Variants in CCBE1 observed in about 807,000 individuals in gnomAD.
CCBE1 encodes collagen and calcium binding EGF domains 1, also known as collagen and calcium-binding EGF domain-containing protein 1.
CCBE1 carries 37 observed loss-of-function variants against 50.0 expected under a neutral mutation model. The ratio of observed to expected loss-of-function variants is 0.74; its 90% CI spans 0.57 to 0.97. CCBE1 has a LOEUF of 0.97. CCBE1 is among the 50% of genes least tolerant of loss of function. The pLI is 0.00. For missense variants in CCBE1, 538 were observed against 523.8 expected, an observed-to-expected ratio of 1.03 and a Z score of -0.26; for synonymous variants, 234 against 203.7, an observed-to-expected ratio of 1.15 and a Z score of -1.27.
intron 2 of CCBE1, among the ~76,000 whole-genome samples, chr18:59,689,008 T>C (rs1370860560): frequency 6.6e-6 from 1 of 152,198 alleles, no homozygotes; most frequent in Non-Finnish European, 1.5e-5. Flanking sequence ...AGGCAGTAAA[T>C]ATCTGGGACT....
At chr18:59,559,243 T>C (rs890694470) in intron 2 of CCBE1, among the ~76,000 whole-genome samples, 2 of 152,018 alleles carry the variant, frequency 1.3e-5, no homozygotes, top group African/African-American at 4.8e-5. Context: ...ACTGGCTGAG[T>C]TGGATGGGTG....
At chr18:59,512,740 T>C (rs1483569337) in intron 2 of CCBE1, among the ~76,000 whole-genome samples, 7 of 152,154 alleles carry the variant, frequency 4.6e-5, no homozygotes, top group Non-Finnish European at 1.0e-4. Flanking sequence ...TGGCTGGCTG[T>C]TGATGAGGAA....
intron 2 of CCBE1, among the ~76,000 whole-genome samples, chr18:59,658,197 T>C (rs1460398420): frequency 6.7e-6 from 1 of 149,306 alleles, no homozygotes; most frequent in Admixed American, 6.7e-5. Context: ...CAATGGTACC[T>C]GGCACATAAG....
chr18:59,436,064 C>G lies in CCBE1; in HGVS notation c.1065G>C (p.Lys355Asn). Residue 355 changes from lysine (K) to asparagine (N), a missense_variant, in exon 11 of 11, where the codon AAG (lysine) becomes AAC (asparagine). By Grantham distance (94) the Lys-to-Asn change is moderately conservative (BLOSUM62 0). Transcript: ENST00000439986. ...IRNDITELQE[K>N]VFGHRTHSSA... ...AAGAGTGAGTCCGGTGCCCGAACAC[C>G]TTTTCCTGCAGCTCAGTGATGTCAT... The G allele has an allele frequency of 6.2e-7, 1 of 1,614,140 alleles. No homozygotes were observed. Among genetic ancestry groups the G allele is most frequent in the Non-Finnish European group, 8.5e-7 (1 of 1,180,030 alleles).
At chr18:59,457,317 G>C (rs1258636508) in intron 5 of CCBE1, among the ~76,000 whole-genome samples, 2 of 152,180 alleles carry the variant, frequency 1.3e-5, no homozygotes, top group Admixed American at 1.3e-4. Context: ...GCTTGTATCA[G>C]AGATGGTAGA....
At chr18:59,481,262 TA>T (rs1912556682) in intron 2 of CCBE1, among the ~76,000 whole-genome samples, 1 of 151,166 alleles carries the variant, frequency 6.6e-6, no homozygotes, top group Non-Finnish European at 1.5e-5. Flanking sequence ...AATTTGAAAA[TA>T]AATGAAAATT....
intron 7 of CCBE1, among the ~76,000 whole-genome samples, chr18:59,441,984 T>C (rs954276023): frequency 2.6e-5 from 4 of 152,206 alleles, no homozygotes; most frequent in African/African-American, 9.7e-5. Flanking sequence ...CATTCTTGTC[T>C]TTCTTGCCAA....
intron 7 of CCBE1, among the ~76,000 whole-genome samples, chr18:59,443,202 C>A (rs944182794): frequency 1.9e-4 from 29 of 152,198 alleles, no homozygotes; most frequent in Non-Finnish European, 4.0e-4. Context: ...GAGTTGTAAA[C>A]AGCCGCTTTG....
At chr18:59,558,937 G>A (rs941056369) in intron 2 of CCBE1, among the ~76,000 whole-genome samples, 2 of 152,196 alleles carry the variant, frequency 1.3e-5, no homozygotes, top group African/African-American at 2.4e-5. Context: ...ACCTGCCTAC[G>A]GCCCCCTAAG....
chr18:59,630,738 G>T (rs2053839436), intron 2 of CCBE1, among the ~76,000 whole-genome samples: 1 of 152,160 alleles, frequency 6.6e-6, no homozygotes. Context: ...AATGAACAAG[G>T]CTGCATGTTC....
At chr18:59,593,822 C>T (rs2053309397) in intron 2 of CCBE1, among the ~76,000 whole-genome samples, 1 of 152,234 alleles carries the variant, frequency 6.6e-6, no homozygotes, top group African/African-American at 2.4e-5. Context: ...CATGAGTTGA[C>T]AACCCATTGG....
intron 3 of CCBE1, among the ~76,000 whole-genome samples, chr18:59,474,426 G>A (rs1912213588): frequency 1.3e-5 from 2 of 152,210 alleles, no homozygotes; most frequent in Admixed American, 6.5e-5. Context: ...TACAAGTTCA[G>A]TTTCTTAAGA....
At chr18:59,509,664 A>C (rs1388067844) in intron 2 of CCBE1, among the ~76,000 whole-genome samples, 2 of 152,196 alleles carry the variant, frequency 1.3e-5, no homozygotes, top group African/African-American at 4.8e-5. Flanking sequence ...ACACCACATA[A>C]AAGAAGAACT....
intron 3 of CCBE1, among the ~76,000 whole-genome samples, chr18:59,471,208 C>T (rs887125126): frequency 6.6e-6 from 1 of 152,192 alleles, no homozygotes; most frequent in Non-Finnish European, 1.5e-5. Flanking sequence ...CAAGGCAGTT[C>T]CCTGTCTCTC....
chr18:59,633,857 A>G (rs967645151), intron 2 of CCBE1, among the ~76,000 whole-genome samples: 3 of 152,234 alleles, frequency 2.0e-5, no homozygotes, highest in Non-Finnish European at 4.4e-5. Flanking sequence ...ATAATTGCAT[A>G]AACTCCAAAA....
chr18:59,446,346 G>A (rs1035174174), intron 7 of CCBE1, among the ~76,000 whole-genome samples: 1 of 152,200 alleles, frequency 6.6e-6, no homozygotes, highest in African/African-American at 2.4e-5. Flanking sequence ...AGCAAAGCAA[G>A]AGCATTCTCT....
chr18:59,442,364 T>C (rs1362152597), intron 7 of CCBE1, among the ~76,000 whole-genome samples: 1 of 152,222 alleles, frequency 6.6e-6, no homozygotes, highest in Non-Finnish European at 1.5e-5. Context: ...TGTGTTTATA[T>C]GCATTCATGC....
chr18:59,607,984 G>A (rs574927042), intron 2 of CCBE1, among the ~76,000 whole-genome samples: 41 of 148,056 alleles, frequency 2.8e-4, no homozygotes, highest in African/African-American at 9.5e-4. Flanking sequence ...GCTGAGGCAG[G>A]AGAATCTCTT....
chr18:59,634,055 C>T (rs2053886774), intron 2 of CCBE1, among the ~76,000 whole-genome samples: 1 of 152,204 alleles, frequency 6.6e-6, no homozygotes, highest in Admixed American at 6.6e-5. Context: ...GGGGTCTCAA[C>T]AGCCTAAACA....
Sources: gnomAD v4.1 joint callset for allele counts (sites outside exome capture counted in the v4.1 genomes callset) on GRCh38, gnomAD v4.1.1 for gene constraint, MANE v1.5 for transcripts, NCBI Gene and HGNC (gene_info 2026-07-23, HGNC 2026-07-21) for gene names.